OPCML: variants seen among roughly 807,000 people sequenced by gnomAD.
The protein encoded by OPCML is opioid binding protein/cell adhesion molecule like.
In OPCML, 13 loss-of-function variants were observed where a neutral mutation model predicts 37.8. The ratio of observed to expected loss-of-function variants is 0.34; its 90% confidence interval spans 0.22 to 0.55. The LOEUF (loss-of-function observed/expected upper bound fraction) is 0.55, where lower values mean the gene tolerates loss of function less well. Among genes scored for constraint, OPCML ranks in the 20% least tolerant of loss-of-function variants. The pLI, the probability that OPCML is intolerant of heterozygous loss-of-function variation, is 0.91. For missense variants in OPCML, 341 were observed against 435.6 expected (o/e 0.78, Z 1.93); for synonymous variants, 176 against 168.8 (o/e 1.04, Z -0.33).
chr11:132,653,610 G>T (rs1326557332), intron 3 of OPCML, among the ~76,000 whole-genome samples: 1 of 152,176 alleles, frequency 6.6e-6, no homozygotes, highest in Non-Finnish European at 1.5e-5. Context: ...TTTAATGAAG[G>T]CAGCTTCTGT....
intron 3 of OPCML, among the ~76,000 whole-genome samples, chr11:132,625,974 T>C (rs1247881703): frequency 6.6e-6 from 1 of 152,050 alleles, no homozygotes; most frequent in Admixed American, 6.6e-5. Flanking sequence ...ATTGTTTGAA[T>C]CATATGTTTA....
At chr11:133,131,222 T>C (rs1369122165) in intron 1 of OPCML, among the ~76,000 whole-genome samples, 5 of 152,128 alleles carry the variant, frequency 3.3e-5, no homozygotes, top group African/African-American at 1.2e-4. Context: ...CTGTAGGAAA[T>C]AAATGTCTAT....
intron 2 of OPCML, among the ~76,000 whole-genome samples, chr11:132,704,269 T>C (rs1048863984): frequency 5.9e-5 from 9 of 152,212 alleles, no homozygotes; most frequent in Admixed American, 5.2e-4. Flanking sequence ...CTCTCTCATA[T>C]TTTTTCTGAA....
chr11:132,953,850 T>A (rs145265479), intron 1 of OPCML, among the ~76,000 whole-genome samples: 130 of 152,206 alleles, frequency 8.5e-4, no homozygotes, highest in Middle Eastern at 3.4e-3. Context: ...AAAAACAACA[T>A]TTTTTTATTT....
chr11:133,063,850 C>A (rs1948393184), intron 1 of OPCML, among the ~76,000 whole-genome samples: 3 of 152,208 alleles, frequency 2.0e-5, no homozygotes, highest in African/African-American at 7.2e-5. Flanking sequence ...GGGTGAGCCA[C>A]TGAGCCCAGC....
At chr11:132,823,695 G>A (rs55708052) in intron 2 of OPCML, among the ~76,000 whole-genome samples, 21,675 of 151,976 alleles carry the variant, frequency 0.14, 1,769 homozygotes, top group African/African-American at 0.22. Flanking sequence ...CATAACAAAA[G>A]AATTCTATAT....
chr11:133,067,375 G>A (rs1948457344), intron 1 of OPCML: 1 of 152,206 alleles, frequency 6.6e-6, no homozygotes, highest in Non-Finnish European at 1.5e-5. Context: ...GCAGCCACTG[G>A]CACTACTCAG....
intron 2 of OPCML, among the ~76,000 whole-genome samples, chr11:132,861,851 A>C (rs551560027): frequency 0.01 from 1,592 of 152,016 alleles, 24 homozygotes; most frequent in African/African-American, 0.034. Flanking sequence ...AAAAAAAAAA[A>C]AAAAACAAAA....
intron 2 of OPCML, among the ~76,000 whole-genome samples, chr11:132,765,336 C>CATA (rs35910371): frequency 0.14 from 21,539 of 152,188 alleles, 1,977 homozygotes; most frequent in African/African-American, 0.26. Flanking sequence ...ATTAAAATCT[C>CATA]ATATTTTTAT....
rs1041659023 is a variant in OPCML at position 133,212,513 on chromosome 11, G to A, written c.62-269503C>T. Among the ~76,000 whole-genome samples, 6 of 152,140 alleles carry A rather than the reference G, an allele frequency of 3.9e-5. No individual in the cohort carries two copies. Among genetic ancestry groups the A allele is most frequent in the Middle Eastern group, 3.4e-3 (1 of 294 alleles). On this transcript the variant is annotated intron_variant, in intron 1 of 7. Coordinates refer to ENST00000524381, the MANE Select transcript of OPCML (RefSeq NM_001012393.5). The surrounding 1 kb of genome is among the most constrained non-coding windows in gnomAD (Gnocchi z 4.9). ...CCATTGTCTCATCTTCCAGAACGCC[G>A]ACCCTCGGCACCCTATTGAAGTTGT... is the stretch of plus-strand genomic sequence containing the variant.
At chr11:132,868,072 T>C (rs1346202301) in intron 2 of OPCML, among the ~76,000 whole-genome samples, 2 of 152,168 alleles carry the variant, frequency 1.3e-5, no homozygotes, top group Non-Finnish European at 2.9e-5. Flanking sequence ...CGTAAAGTGC[T>C]TTGCTAGCAC....
chr11:132,474,727 C>T (rs372135553), intron 4 of OPCML, among the ~76,000 whole-genome samples: 1 of 152,148 alleles, frequency 6.6e-6, no homozygotes, highest in Non-Finnish European at 1.5e-5. Flanking sequence ...TGTTTATGCT[C>T]CTGTCCTCAC....
intron 3 of OPCML, among the ~76,000 whole-genome samples, chr11:132,590,801 T>A (rs2096483178): frequency 6.6e-6 from 1 of 152,142 alleles, no homozygotes; most frequent in African/African-American, 2.4e-5. Flanking sequence ...CAACATCCCT[T>A]TGTGTACTCT....
chr11:133,113,430 A>G (rs1279933647), intron 1 of OPCML, among the ~76,000 whole-genome samples: 1 of 152,236 alleles, frequency 6.6e-6, no homozygotes, highest in African/African-American at 2.4e-5. Context: ...AGGAAGCAGG[A>G]GAGAAAAAAA....
At chr11:132,995,880 G>A (rs1345088984) in intron 1 of OPCML, among the ~76,000 whole-genome samples, 2 of 152,192 alleles carry the variant, frequency 1.3e-5, no homozygotes, top group East Asian at 1.9e-4. Flanking sequence ...CTAACTCTGC[G>A]AGGCAGGAAT....
intron 1 of OPCML, among the ~76,000 whole-genome samples, chr11:133,513,073 A>T (rs1948193167): frequency 6.6e-6 from 1 of 152,202 alleles, no homozygotes. Flanking sequence ...TGGAATTTAT[A>T]AACCTAGAGG....
chr11:133,366,301 G>A (rs1944538601), intron 1 of OPCML, among the ~76,000 whole-genome samples: 1 of 152,180 alleles, frequency 6.6e-6, no homozygotes, highest in South Asian at 2.1e-4. Flanking sequence ...GGCATGGGAG[G>A]TGAGTGGGTC....
At chr11:133,094,432 A>G (rs1412867144) in intron 1 of OPCML, among the ~76,000 whole-genome samples, 1 of 152,200 alleles carries the variant, frequency 6.6e-6, no homozygotes, top group Admixed American at 6.5e-5. Flanking sequence ...AAAGAGCCAT[A>G]GTCAACCTTT....
chr11:132,903,533 C>T (rs991958396), intron 2 of OPCML, among the ~76,000 whole-genome samples: 5 of 152,146 alleles, frequency 3.3e-5, no homozygotes, highest in African/African-American at 7.2e-5. Flanking sequence ...GGGAATTGGG[C>T]GTTGGACATG....
Sources: allele counts gnomAD v4.1 joint callset (sites outside exome capture counted in the v4.1 genomes callset), GRCh38; gene constraint gnomAD v4.1.1; non-coding constraint Gnocchi (gnomAD v3.1); transcripts MANE v1.5; gene names NCBI Gene and HGNC (gene_info 2026-07-23, HGNC 2026-07-21).